The following MASP1 variants were observed in gnomAD, a reference collection of about 807,000 sequenced individuals.
MASP1 encodes the protein mannan-binding lectin serine protease 1.
In MASP1, 59 loss-of-function variants were observed where a neutral mutation model predicts 77.1. The ratio of observed to expected loss-of-function variants is 0.77; its 90% CI spans 0.62 to 0.95. The LOEUF (loss-of-function observed/expected upper bound fraction) is 0.95. MASP1 is among the 40% of genes least tolerant of loss of function. The pLI, the probability that MASP1 is intolerant of heterozygous loss-of-function variation, is 0.00. For synonymous variants in MASP1, 362 were observed against 354.5 expected (o/e 1.02, Z -0.24); for missense variants, 885 against 912.9 (o/e 0.97, Z 0.39).
At chr3:187,250,782 C>A (rs1159671237) in intron 7 of MASP1, among the ~76,000 whole-genome samples, 2 of 152,142 alleles carry the variant, frequency 1.3e-5, no homozygotes, top group Non-Finnish European at 2.9e-5. Context: ...TCTTTGAGAA[C>A]CATTCCTTGA....
intron 13 of MASP1, chr3:187,225,211 G>T: frequency 8.0e-7 from 1 of 1,247,958 alleles, no homozygotes; most frequent in Non-Finnish European, 1.2e-6. Context: ...CAGTTGGTGA[G>T]TCAAGCAGAC....
At chr3:187,247,334 C>T in intron 8 of MASP1, 1 of 1,614,040 alleles carries the variant, frequency 6.2e-7, no homozygotes, top group African/African-American at 1.3e-5. Context: ...TCCCGTCATT[C>T]ACTCTGTCAC....
chr3:187,222,501 A>G (rs1370741793), intron 14 of MASP1, among the ~76,000 whole-genome samples: 1 of 152,210 alleles, frequency 6.6e-6, no homozygotes, highest in Non-Finnish European at 1.5e-5. Flanking sequence ...TGTGTCAGTC[A>G]TAGGCCCCGG....
intron 13 of MASP1, among the ~76,000 whole-genome samples, chr3:187,224,159 C>G (rs921639237): frequency 2.6e-5 from 4 of 152,136 alleles, no homozygotes; most frequent in Admixed American, 2.0e-4. Context: ...GAAAAGGAAG[C>G]CAGCTGACAT....
intron 8 of MASP1, chr3:187,243,899 G>A (rs1713863835): frequency 2.1e-6 from 1 of 481,728 alleles, no homozygotes; most frequent in African/African-American, 1.9e-5. Context: ...GGTCTACTGA[G>A]GTTTAAGCAG....
rs79938124 is a variant in MASP1, at chr3:187,255,769, C to T, written c.744+895G>A. Among the ~76,000 whole-genome samples, 233 of 152,278 alleles carry T rather than the reference C, an allele frequency of 1.5e-3. 1 individual carries two copies. Among genetic ancestry groups the T allele is most frequent in the African/African-American group, 5.5e-3 (228 of 41,562 alleles). On this transcript the variant is annotated intron_variant, in intron 5 of 10. Coordinates refer to ENST00000296280, the MANE Select transcript of MASP1 (RefSeq NM_139125.4). ...GGGCAGTCTCATTTTCTGGCTCTTT[C>T]TGACCTCTTCTGTGGGTTCCTCTTC...
At chr3:187,241,601 T>A in intron 9 of MASP1, 46 bp from the exon 10 acceptor site, 1 of 1,247,260 alleles carries the variant, frequency 8.0e-7, no homozygotes, top group South Asian at 1.2e-5. Context: ...AAATGGTTGA[T>A]TTGTAACACA....
chr3:187,261,114 A>T (rs1396383333), intron 3 of MASP1, among the ~76,000 whole-genome samples: 1 of 152,212 alleles, frequency 6.6e-6, no homozygotes, highest in Non-Finnish European at 1.5e-5. Context: ...AACCCAGGTA[A>T]CTTGACTTCT....
rs1283759478 is a variant in MASP1 at position 187,285,839 on chromosome 3, A to G, written c.223T>C (p.Tyr75His). Residue 75 changes from tyrosine to histidine, a missense_variant, in exon 2 of 11, where the codon TAT (tyrosine) becomes CAT (histidine). Coordinates refer to ENST00000296280, the MANE Select transcript of MASP1 (RefSeq NM_139125.4). ...FNLESSYLCEYDYVKVETEDQ... is the reference protein window; with the variant it reads ...FNLESSYLCEHDYVKVETEDQ... ...AGGAGTCTCACCTTCACATAGTCAT[A>G]TTCACAAAGGTAGGAGGATTCCAAG... 1 of 1,613,862 alleles carries G rather than the reference A, an allele frequency of 6.2e-7. No individual in the cohort carries two copies. The highest frequency in any genetic ancestry group is 1.7e-5 in the Admixed American group (1 of 60,016).
At chr3:187,252,403 T>C (rs1224947473) in intron 6 of MASP1, among the ~76,000 whole-genome samples, 6 of 152,212 alleles carry the variant, frequency 3.9e-5, no homozygotes, top group Non-Finnish European at 1.5e-5. Context: ...TGTGATCATA[T>C]GCCTCTGAGT....
intron 8 of MASP1, among the ~76,000 whole-genome samples, chr3:187,247,789 T>A (rs909828132): frequency 2.0e-5 from 3 of 152,168 alleles, no homozygotes; most frequent in Non-Finnish European, 4.4e-5. Context: ...TCTTTTCTAG[T>A]GCACGTTTCT....
intron 2 of MASP1, among the ~76,000 whole-genome samples, chr3:187,272,423 C>T (rs2108584931): frequency 6.6e-6 from 1 of 152,224 alleles, no homozygotes; most frequent in East Asian, 1.9e-4. Flanking sequence ...TTGTGTCCCC[C>T]TAGAATACAT....
intron 1 of MASP1, 54 bp from the exon 2 acceptor site, chr3:187,286,110 T>C: frequency 7.3e-7 from 1 of 1,375,724 alleles, no homozygotes; most frequent in Non-Finnish European, 1.0e-6. Flanking sequence ...GCCCCTGCCA[T>C]TCATCTCAAT....
chr3:187,222,969 C>T (rs528891763), intron 14 of MASP1, among the ~76,000 whole-genome samples: 1 of 152,256 alleles, frequency 6.6e-6, no homozygotes, highest in South Asian at 2.1e-4. Context: ...TTCTGGGGTT[C>T]AAAGTCCCAT....
At chr3:187,256,608 C>T (rs555199318) in intron 5 of MASP1, 56 bp downstream of exon 5, 1 of 1,577,918 alleles carries the variant, frequency 6.3e-7, no homozygotes, top group East Asian at 2.2e-5. Context: ...ATCAATTTTC[C>T]CAACTCAGCC....
At chr3:187,275,893 G>A (rs928678745) in intron 2 of MASP1, among the ~76,000 whole-genome samples, 8 of 151,538 alleles carry the variant, frequency 5.3e-5, no homozygotes, top group Middle Eastern at 3.4e-3. Flanking sequence ...AATGAGATTC[G>A]GGGCATGAAA....
chr3:187,217,290 A>T (rs1305557015), exon 16 of MASP1: 1 of 152,222 alleles, frequency 6.6e-6, no homozygotes, highest in Non-Finnish European at 1.5e-5. Context: ...GCTTTGACTC[A>T]ATGCAGATGT....
chr3:187,220,145 C>T, exon 16 of MASP1: 1 of 1,614,170 alleles, frequency 6.2e-7, no homozygotes, highest in Non-Finnish European at 8.5e-7. Flanking sequence ...CCGTAGCGGT[C>T]CTTCTTCCCA....
chr3:187,282,160 A>G (rs1480942525), intron 2 of MASP1, among the ~76,000 whole-genome samples: 1 of 152,206 alleles, frequency 6.6e-6, no homozygotes, highest in East Asian at 1.9e-4. Context: ...CAGCTAGAGC[A>G]GCTCACTTCT....
Sources: gnomAD v4.1 joint callset for allele counts (sites outside exome capture counted in the v4.1 genomes callset) on GRCh38, gnomAD v4.1.1 for gene constraint, MANE v1.5 for transcripts, NCBI Gene and HGNC (gene_info 2026-07-23, HGNC 2026-07-21) for gene names.